OR9G1: variants seen among roughly 807,000 people sequenced by gnomAD.
OR9G1 encodes the protein olfactory receptor family 9 subfamily G member 1.
OR9G1 carries 21 observed loss-of-function variants against 14.5 expected under a neutral mutation model. The observed-to-expected ratio is 1.45, with a 90% confidence interval of 1.03 to 2.09. OR9G1 has a LOEUF of 2.09. Among genes scored for constraint, OR9G1 ranks in the 30% most tolerant of loss-of-function variants. OR9G1 has a pLI of 0.00. For missense variants in OR9G1, 476 were observed against 364.2 expected (o/e 1.31, Z -2.50); for synonymous variants, 179 against 153.3 (o/e 1.17, Z -1.24).
At chr11:56,700,266 G>C (rs1179407956) in intron 1 of OR9G1, 104 bp from the exon 2 acceptor site, 5 of 1,456,666 alleles carry the variant, frequency 3.4e-6, no homozygotes, top group East Asian at 4.7e-5. Flanking sequence ...CAATTAGATT[G>C]TTGGTTCTAG....
rs1857615291 is a variant in OR9G1, at chr11:56,700,952, G to C, written c.565G>C (p.Gly189Arg). ...GCTTCCCTTGGTGGAGCTGGCCTGTGGCGAGAAGGGCGGCTATAAAATTAT... is the reference window on the plus strand; with the variant it reads ...GCTTCCCTTGGTGGAGCTGGCCTGTCGCGAGAAGGGCGGCTATAAAATTAT... Reference protein sequence around the residue: ...DLLPLVELACGEKGGYKIMMY... With the variant: ...DLLPLVELACREKGGYKIMMY... Residue 189 changes from glycine (G) to arginine (R), a missense_variant, in exon 2 of 2, where the codon GGC becomes CGC. Around this residue, in one of 3 missense-constraint regions of OR9G1, gnomAD observed 352 missense variants for 211.6 expected, o/e 1.66. Coordinates refer to ENST00000642097, the MANE Select transcript of OR9G1 (RefSeq NM_001005213.2). The C allele has an allele frequency of 6.2e-7, 1 of 1,614,252 alleles. No homozygotes were observed. The highest frequency in any genetic ancestry group is 8.5e-7 in the Non-Finnish European group (1 of 1,180,002).
At position 56,702,431 on chromosome 11, in the gene OR9G1, C is replaced by T. The variant is rs1269607056; in HGVS notation, c.*1126C>T. 6.9e-6 allele frequency: 1 copy of T among 145,754 alleles called. No homozygotes were observed. The highest frequency in any genetic ancestry group is 2.5e-5 in the African/African-American group (1 of 39,470). 9.0% of individuals were successfully genotyped at this position (145,754 alleles called of 1,614,324 possible). A position where few individuals can be genotyped will look rare whatever the true frequency, so the allele number is the denominator to read the frequency against. On this transcript the variant is annotated 3_prime_UTR_variant, in exon 2 of 2. Coordinates refer to ENST00000642097, the MANE Select transcript of OR9G1 (RefSeq NM_001005213.2). ...CTACCCAGAAGTGGAATTGTTAGAT[C>T]ATATGGTAATTCTATTTTTAGTTTT...
chr11:56,699,626 T>C (rs1412256845), intron 1 of OR9G1, among the ~76,000 whole-genome samples: 7 of 150,592 alleles, frequency 4.6e-5, no homozygotes, highest in Non-Finnish European at 8.9e-5. Context: ...CCCATTTCAA[T>C]AGAACATTTG....
At chr11:56,700,139 C>A (rs1394732140) in intron 1 of OR9G1, among the ~76,000 whole-genome samples, 2 of 152,304 alleles carry the variant, frequency 1.3e-5, no homozygotes, top group African/African-American at 4.8e-5. Flanking sequence ...TACATCTTTT[C>A]TTCACTTGAA....
chr11:56,703,852 G>A lies in OR9G1; in HGVS notation c.*2547G>A, dbSNP rs1023221698. 1 of 50,334 alleles carries A rather than the reference G, an allele frequency of 2.0e-5. No homozygotes were observed. Among genetic ancestry groups the A allele is most frequent in the Non-Finnish European group, 4.3e-5 (1 of 23,270 alleles). 3.1% of individuals were successfully genotyped at this position (50,334 alleles called of 1,614,324 possible). Reference sequence around the variant, plus strand: ...TATTCATATTATTTTATACTTGGAAGTTAGCTCTAGAATTATGTCTAAGTA... The same window carrying A: ...TATTCATATTATTTTATACTTGGAAATTAGCTCTAGAATTATGTCTAAGTA... On this transcript the variant is annotated 3_prime_UTR_variant, in exon 2 of 2. Coordinates refer to ENST00000642097, the MANE Select transcript of OR9G1 (RefSeq NM_001005213.2).
rs1262729998 is a variant in OR9G1 at position 56,700,434 on chromosome 11, T to C, written c.47T>C (p.Phe16Ser). ...GTGACTGAGTTTATACTGCTGGGCT[T>C]CACCACAGACCCAGGAATGCAGCTG... Reference protein sequence around the residue: ...HTVTEFILLGFTTDPGMQLGL... With the variant: ...HTVTEFILLGSTTDPGMQLGL... The change falls in exon 2 of 2, where the codon TTC (phenylalanine) becomes TCC (serine). Residue 16 changes from phenylalanine (F) to serine (S), a missense_variant. Physicochemically the swap from Phe to Ser is radical, Grantham distance 155 (BLOSUM62 -2). Transcript: ENST00000642097. 4.3e-6 allele frequency: 7 copies of C among 1,614,188 alleles called. No homozygotes were observed. Among genetic ancestry groups the C allele is most frequent in the Non-Finnish European group, 5.9e-6 (7 of 1,180,062 alleles).
rs754391083 is a variant in OR9G1 at position 56,700,440 on chromosome 11, C to T, written c.53C>T (p.Thr18Ile). Residue 18 changes from threonine to isoleucine, a missense_variant, in exon 2 of 2, where the codon ACA becomes ATA. Physicochemically the swap from Thr to Ile is moderately conservative, Grantham distance 89. Around this residue, in one of 3 missense-constraint regions of OR9G1, gnomAD observed 89 missense variants for 85.1 expected, o/e 1.05. Coordinates refer to ENST00000642097, the MANE Select transcript of OR9G1 (RefSeq NM_001005213.2). ...GAGTTTATACTGCTGGGCTTCACCA[C>T]AGACCCAGGAATGCAGCTGGGCCTC... ...VTEFILLGFT[T>I]DPGMQLGLFV... 6.2e-7 allele frequency: 1 copy of T among 1,614,314 alleles called. No homozygotes were observed. The highest frequency in any genetic ancestry group is 8.5e-7 in the Non-Finnish European group (1 of 1,180,060).
At chr11:56,700,236 T>C (rs1174871032) in intron 1 of OR9G1, 134 bp from the exon 2 acceptor site, 4 of 1,376,904 alleles carry the variant, frequency 2.9e-6, no homozygotes, top group Non-Finnish European at 2.9e-6. Flanking sequence ...TGTTGCAAAA[T>C]GAAGACTTTC....
rs1159331932 is a variant in OR9G1 at position 56,701,512 on chromosome 11, T to G, written c.*207T>G. 1 of 771,536 alleles carries G rather than the reference T, an allele frequency of 1.3e-6. No individual in the cohort carries two copies. The highest frequency in any genetic ancestry group is 3.6e-5 in the Admixed American group (1 of 28,012). The allele number at this position is 771,536 out of a possible 1,614,324, so 47.8% of individuals were successfully genotyped here. On this transcript the variant is annotated 3_prime_UTR_variant, in exon 2 of 2. Transcript: ENST00000642097. The stretch of plus-strand genomic sequence containing the variant: ...ATTTGAATTGAATTTCCTATCTCTC[T>G]TATTAAAAACAAACATAAACCTTAA...
chr11:56,699,536 C>T (rs1247136312), intron 1 of OR9G1, among the ~76,000 whole-genome samples: 1 of 152,426 alleles, frequency 6.6e-6, no homozygotes, highest in Non-Finnish European at 1.5e-5. Flanking sequence ...TACAAAATGA[C>T]TTAGGTTAAT....
At chr11:56,699,763 T>C (rs993277041) in intron 1 of OR9G1, among the ~76,000 whole-genome samples, 7 of 152,306 alleles carry the variant, frequency 4.6e-5, no homozygotes, top group Non-Finnish European at 7.3e-5. Flanking sequence ...GTGTTTATTA[T>C]AGAATATGTG....
At position 56,701,064 on chromosome 11, in the gene OR9G1, G is replaced by T; in HGVS notation, c.677G>T (p.Arg226Met). ...SYLFIITSVL[R>M]ISSSKGYLKA... ...CTCTTTATCATCACCAGTGTCTTGA[G>T]GATCTCCTCCTCCAAGGGCTACCTC... is the stretch of plus-strand genomic sequence containing the variant. The change falls in exon 2 of 2, where the codon AGG (arginine) becomes ATG (methionine). Residue 226 changes from arginine to methionine, a missense_variant. By Grantham distance (91) the Arg-to-Met change is moderately conservative. Coordinates refer to ENST00000642097, the MANE Select transcript of OR9G1 (RefSeq NM_001005213.2). The T allele has an allele frequency of 6.2e-7, 1 of 1,614,310 alleles. No individual in the cohort carries two copies. Among genetic ancestry groups the T allele is most frequent in the Non-Finnish European group, 8.5e-7 (1 of 1,180,056 alleles).
rs774041925 is a variant in OR9G1, at chr11:56,700,912, C to A, written c.525C>A (p.Asp175Glu). 2 of 1,614,148 alleles carry A rather than the reference C, an allele frequency of 1.2e-6. No homozygotes were observed. The highest frequency in any genetic ancestry group is 3.3e-5 in the Admixed American group (2 of 60,014). The change falls in exon 2 of 2, where the codon GAC becomes GAA. Residue 175 changes from aspartate (D) to glutamate (E), a missense_variant. Around this residue, in one of 3 missense-constraint regions of OR9G1, gnomAD observed 352 missense variants for 211.6 expected, o/e 1.66. Transcript: ENST00000642097. ...TCTGCCGTGAAAACATCATTGATGA[C>A]TTTTTCTGTGATTTGCTTCCCTTGG... ...FNFCRENIID[D>E]FFCDLLPLVE...
intron 1 of OR9G1, among the ~76,000 whole-genome samples, chr11:56,699,878 C>T (rs1435957841): frequency 6.6e-6 from 1 of 152,298 alleles, no homozygotes; most frequent in African/African-American, 2.4e-5. Flanking sequence ...TCCCTTTATA[C>T]TTTTCTTAGT....
Position 56,700,866 on chromosome 11 carries a change from A to G in OR9G1, c.479A>G (p.Lys160Arg). ...TTTATTAACTCTTCAATCATCACCA[A>G]GAAAACGTTTTCCTTTAACTTCTGC... ...GGFINSSIIT[K>R]KTFSFNFCRE... is the part of the protein sequence containing the mutation. Residue 160 changes from lysine to arginine, a missense_variant, in exon 2 of 2, where the codon AAG (lysine) becomes AGG (arginine). By Grantham distance (26) the Lys-to-Arg change is conservative. This residue lies in a region of OR9G1 where 352 missense variants were observed against 211.6 expected (regional missense o/e 1.66). Transcript: ENST00000642097. 6.2e-7 allele frequency: 1 copy of G among 1,614,256 alleles called. No homozygotes were observed. Among genetic ancestry groups the G allele is most frequent in the South Asian group, 1.1e-5 (1 of 91,090 alleles).
Position 56,702,027 on chromosome 11 carries a change from AATT to A in OR9G1, c.*729_*731del, listed in dbSNP as rs1419503725. ...GGGCAATTATCATCATTTAAAAAAT[AATT>A]ATTATTTTGGCTAAGTGAAACAATT... On this transcript the variant is annotated 3_prime_UTR_variant, in exon 2 of 2. Transcript: ENST00000642097. 1.3e-5 allele frequency: 2 copies of A among 152,388 alleles called. No individual in the cohort carries two copies. Among genetic ancestry groups the A allele is most frequent in the South Asian group, 4.1e-4 (2 of 4,832 alleles). The allele number at this position is 152,388 out of a possible 1,614,324, so 9.4% of individuals were successfully genotyped here. A position where few individuals can be genotyped will look rare whatever the true frequency, so the allele number is the denominator to read the frequency against.
rs1017742493 is a variant in OR9G1, at chr11:56,702,451, A to G, written c.*1146A>G. 2 of 115,610 alleles carry G rather than the reference A, an allele frequency of 1.7e-5. No homozygotes were observed. The highest frequency in any genetic ancestry group is 3.8e-5 in the Non-Finnish European group (2 of 52,586). The allele number at this position is 115,610 out of a possible 1,614,324, so 7.2% of individuals were successfully genotyped here. A position where few individuals can be genotyped will look rare whatever the true frequency, so the allele number is the denominator to read the frequency against. On this transcript the variant is annotated 3_prime_UTR_variant, in exon 2 of 2. Coordinates refer to ENST00000642097, the MANE Select transcript of OR9G1 (RefSeq NM_001005213.2). ...TAGATCATATGGTAATTCTATTTTT[A>G]GTTTTTGGAGAGACCTCTATATTGT...
chr11:56,699,809 A>T (rs1857577380), intron 1 of OR9G1, among the ~76,000 whole-genome samples: 1 of 152,306 alleles, frequency 6.6e-6, no homozygotes, highest in Non-Finnish European at 1.5e-5. Context: ...TCGTAATTTC[A>T]TCATTGTATA....
At position 56,702,336 on chromosome 11, in the gene OR9G1, G is replaced by A. The variant is rs1857656157; in HGVS notation, c.*1031G>A. 1 of 152,294 alleles carries A rather than the reference G, an allele frequency of 6.6e-6. No individual in the cohort carries two copies. The highest frequency in any genetic ancestry group is 1.5e-5 in the Non-Finnish European group (1 of 68,052). 9.4% of individuals were successfully genotyped at this position (152,294 alleles called of 1,614,324 possible). A position where few individuals can be genotyped will look rare whatever the true frequency, so the allele number is the denominator to read the frequency against. ...GTTGTTTCTAATTGTTAGCTATTGT[G>A]AATAATACTGCAATGAACATGAAAG... On this transcript the variant is annotated 3_prime_UTR_variant, in exon 2 of 2. Transcript: ENST00000642097.
Sources: allele counts gnomAD v4.1 joint callset (sites outside exome capture counted in the v4.1 genomes callset), GRCh38; gene constraint gnomAD v4.1.1; regional missense constraint gnomAD v4.1.1; transcripts MANE v1.5; gene names NCBI Gene and HGNC (gene_info 2026-07-23, HGNC 2026-07-21).